Variants in SYNPO2 observed in about 807,000 individuals in gnomAD.
The protein encoded by SYNPO2 is synaptopodin-2.
In SYNPO2, 56 loss-of-function variants were observed where a neutral mutation model predicts 85.0. The ratio of observed to expected loss-of-function variants is 0.66; its 90% CI spans 0.53 to 0.82. The LOEUF (loss-of-function observed/expected upper bound fraction) is 0.82. Among genes scored for constraint, SYNPO2 ranks in the 40% least tolerant of loss-of-function variants. The pLI is 0.00. For synonymous variants in SYNPO2, 602 were observed against 591.1 expected, an observed-to-expected ratio of 1.02 and a Z score of -0.27; for missense variants, 1,575 against 1,534.2, an observed-to-expected ratio of 1.03 and a Z score of -0.44.
chr4:118,876,658 CCTTCCTTTCTCTTTCTTTCTTTCTTT>C (rs1731915098), intron 1 of SYNPO2, among the ~76,000 whole-genome samples: 1 of 148,346 alleles, frequency 6.7e-6, no homozygotes, highest in Non-Finnish European at 1.5e-5. Flanking sequence ...TTCCTTCCTT[CCTTCCTTTCTCTTTCTTTCTTTCTTT>C]CTTTCTTTCT....
intron 4 of SYNPO2, chr4:119,034,507 AT>A (rs1392815862): frequency 2.0e-6 from 2 of 985,360 alleles, no homozygotes; most frequent in Non-Finnish European, 2.4e-6. Context: ...TCCTAGGACT[AT>A]TTGGAGTTCT....
At chr4:118,913,682 C>A (rs1282647816) in intron 1 of SYNPO2, among the ~76,000 whole-genome samples, 1 of 151,642 alleles carries the variant, frequency 6.6e-6, no homozygotes, top group Admixed American at 6.6e-5. Context: ...GTCTTTGTGT[C>A]AGGGTCGCAG....
chr4:119,053,687 T>C (rs1739121659), intron 4 of SYNPO2, among the ~76,000 whole-genome samples: 2 of 152,218 alleles, frequency 1.3e-5, no homozygotes, highest in African/African-American at 2.4e-5. Context: ...TTGAACTTTA[T>C]AAATTCTGTC....
chr4:119,014,535 A>C (rs565447977), intron 1 of SYNPO2, among the ~76,000 whole-genome samples: 41 of 152,348 alleles, frequency 2.7e-4, no homozygotes, highest in Non-Finnish European at 2.6e-4. Flanking sequence ...AACATGCAGT[A>C]GGTTTGCTAT....
intron 4 of SYNPO2, among the ~76,000 whole-genome samples, chr4:119,054,026 A>G (rs1739131964): frequency 6.6e-6 from 1 of 152,152 alleles, no homozygotes; most frequent in Non-Finnish European, 1.5e-5. Flanking sequence ...CATCTAATTG[A>G]TGCAGGATTT....
At chr4:118,900,833 A>G (rs1459113164) in intron 1 of SYNPO2, among the ~76,000 whole-genome samples, 3 of 150,732 alleles carry the variant, frequency 2.0e-5, no homozygotes, top group African/African-American at 7.3e-5. Flanking sequence ...ATCAATGATT[A>G]TCAATGTACA....
chr4:118,995,548 G>A (rs1736555079), intron 1 of SYNPO2, among the ~76,000 whole-genome samples: 1 of 152,172 alleles, frequency 6.6e-6, no homozygotes, highest in Non-Finnish European at 1.5e-5. Flanking sequence ...GTAAGTGAAG[G>A]AGGAGTTATT....
At chr4:118,960,757 A>G (rs1735050795) in intron 1 of SYNPO2, among the ~76,000 whole-genome samples, 1 of 152,124 alleles carries the variant, frequency 6.6e-6, no homozygotes, top group Non-Finnish European at 1.5e-5. Context: ...TTAATGTCTC[A>G]GGCTTGGGGA....
intron 4 of SYNPO2, chr4:119,032,664 T>C: frequency 2.0e-6 from 2 of 985,976 alleles, no homozygotes; most frequent in South Asian, 4.7e-5. Flanking sequence ...TGAGCACTTA[T>C]TATGTATTAG....
rs1739290882 is a variant in SYNPO2, at chr4:119,058,464, C to CGT, written c.*530_*531insGT. The CGT allele has an allele frequency of 4.6e-5, 5 of 109,314 alleles. No homozygotes were observed. Among genetic ancestry groups the CGT allele is most frequent in the Non-Finnish European group, 7.1e-5 (4 of 56,710 alleles). The allele number at this position is 109,314 out of a possible 1,614,324, so 6.8% of individuals were successfully genotyped here. A position where few individuals can be genotyped will look rare whatever the true frequency, so the allele number is the denominator to read the frequency against. ...CTTGGTGTTAAGTATTTCTCTGCAA[C>CGT]TTTTTTTTTTTTTTTTTTTTTTTTT... On this transcript the variant is annotated 3_prime_UTR_variant, in exon 5 of 5. Coordinates refer to ENST00000307142, the MANE Select transcript of SYNPO2 (RefSeq NM_133477.3).
intron 1 of SYNPO2, among the ~76,000 whole-genome samples, chr4:118,907,493 A>T (rs1732976682): frequency 6.6e-6 from 1 of 152,196 alleles, no homozygotes; most frequent in African/African-American, 2.4e-5. Flanking sequence ...TATGTTTGAC[A>T]TTGTTCATCT....
intron 1 of SYNPO2, among the ~76,000 whole-genome samples, chr4:119,021,616 A>G (rs1737725009): frequency 6.6e-6 from 1 of 152,242 alleles, no homozygotes; most frequent in Non-Finnish European, 1.5e-5. Flanking sequence ...GGGCTCCAGC[A>G]GGAAATAGGT....
At chr4:118,925,887 C>A (rs546192520) in intron 1 of SYNPO2, among the ~76,000 whole-genome samples, 2 of 152,106 alleles carry the variant, frequency 1.3e-5, no homozygotes, top group Non-Finnish European at 2.9e-5. Context: ...AATTCCCCAA[C>A]CTTGACATTT....
In SYNPO2 at chr4:119,027,231, C is replaced by T. The variant is rs781271411; in HGVS notation, c.862C>T (p.Leu288Phe). The change falls in exon 3 of 5, where the codon CTC becomes TTC. Residue 288 changes from leucine (L) to phenylalanine (F), a missense_variant. Physicochemically the swap from Leu to Phe is conservative, Grantham distance 22. Transcript: ENST00000307142. ...DAGLPRVEVI[L>F]DCSDRQKTEG... ...GGGACTGCCCCGGGTGGAAGTGATCCTCGACTGCTCTGACAGGCAGAAGAC... is the reference window on the plus strand; with the variant it reads ...GGGACTGCCCCGGGTGGAAGTGATCTTCGACTGCTCTGACAGGCAGAAGAC... 1.2e-6 allele frequency: 2 copies of T among 1,614,108 alleles called. No individual in the cohort carries two copies. The highest frequency in any genetic ancestry group is 2.2e-5 in the East Asian group (1 of 44,862).
intron 1 of SYNPO2, among the ~76,000 whole-genome samples, chr4:118,863,805 T>C (rs1349020498): frequency 6.6e-6 from 1 of 151,732 alleles, no homozygotes; most frequent in Non-Finnish European, 1.5e-5. Context: ...AGAGAAGGGG[T>C]TTTTCCATGT....
intron 1 of SYNPO2, among the ~76,000 whole-genome samples, chr4:118,994,878 C>G (rs1219994951): frequency 6.6e-6 from 1 of 152,134 alleles, no homozygotes; most frequent in East Asian, 1.9e-4. Context: ...ATTAGATTAT[C>G]TGAATAGGAG....
chr4:119,027,482 G>T (rs770557468), intron 3 of SYNPO2, 44 bp downstream of exon 3: 1 of 1,464,150 alleles, frequency 6.8e-7, no homozygotes, highest in Non-Finnish European at 9.1e-7. Context: ...GGAGTTGGGG[G>T]CATTTTGCTG....
At chr4:118,984,329 G>T (rs1213190892) in intron 1 of SYNPO2, among the ~76,000 whole-genome samples, 4 of 152,040 alleles carry the variant, frequency 2.6e-5, no homozygotes, top group Non-Finnish European at 4.4e-5. Flanking sequence ...TAGCTATTTA[G>T]AATAATAATG....
intron 4 of SYNPO2, chr4:119,035,159 A>G (rs1738455755): frequency 1.6e-5 from 16 of 985,474 alleles, no homozygotes; most frequent in Non-Finnish European, 1.9e-5. Flanking sequence ...AAAGGTCATT[A>G]CAGTCACTGA....
Sources: allele counts gnomAD v4.1 joint callset (sites outside exome capture counted in the v4.1 genomes callset), GRCh38; gene constraint gnomAD v4.1.1; transcripts MANE v1.5; gene names NCBI Gene and HGNC (gene_info 2026-07-23, HGNC 2026-07-21).